Variants in ENTPD6 observed in about 807,000 individuals in gnomAD.
ENTPD6 encodes the protein ectonucleoside triphosphate diphosphohydrolase 6.
In ENTPD6, 46 loss-of-function variants were observed where a neutral mutation model predicts 61.5. The observed-to-expected ratio is 0.75, with a 90% confidence interval of 0.59 to 0.96. The LOEUF (loss-of-function observed/expected upper bound fraction) is 0.96, where lower values mean the gene tolerates loss of function less well. ENTPD6 is among the 40% of genes least tolerant of loss of function. The pLI is 0.00. For missense variants in ENTPD6, 612 were observed against 629.0 expected (o/e 0.97, Z 0.29); for synonymous variants, 252 against 255.5 (o/e 0.99, Z 0.13).
chr20:25,225,473 C>T, intron 14 of ENTPD6, 26 bp from the exon 15 acceptor site: 1 of 1,606,258 alleles, frequency 6.2e-7, no homozygotes, highest in Non-Finnish European at 8.5e-7. Context: ...GTGTGATGGT[C>T]CCCTCTCCCT....
chr20:25,211,726 C>A (rs2091973418), intron 4 of ENTPD6, among the ~76,000 whole-genome samples: 1 of 152,230 alleles, frequency 6.6e-6, no homozygotes, highest in African/African-American at 2.4e-5. Flanking sequence ...AATGTCCAAT[C>A]TTTCTCTCTT....
At chr20:25,222,407 A>C (rs973125683) in intron 11 of ENTPD6, 1 of 166,532 alleles carries the variant, frequency 6.0e-6, no homozygotes, top group African/African-American at 2.4e-5. Flanking sequence ...GTTCTCCCTC[A>C]AGCCATGGGA....
At position 25,203,089 on chromosome 20, in the gene ENTPD6, T is replaced by G. The variant is rs2091174722; in HGVS notation, c.-15-3433T>G. Among the ~76,000 whole-genome samples the G allele has an allele frequency of 1.3e-5, 2 of 152,234 alleles. 1 individual carries two copies. The highest frequency in any genetic ancestry group is 4.1e-4 in the South Asian group (2 of 4,836). ...TTTTTTTGTTTGTTTGTTTTAGCAG[T>G]TTGGGGGTATCTTCCCACTGCCTCT... On this transcript the variant is annotated intron_variant, in intron 1 of 14. Coordinates refer to ENST00000376652, the MANE Select transcript of ENTPD6 (RefSeq NM_001247.5).
chr20:25,200,152 T>C (rs1432043328), intron 1 of ENTPD6, among the ~76,000 whole-genome samples: 1 of 152,268 alleles, frequency 6.6e-6, no homozygotes, highest in East Asian at 1.9e-4. Flanking sequence ...TTCTGTTTGT[T>C]TGATAGTGGC....
chr20:25,197,965 C>T (rs772958445), intron 1 of ENTPD6, among the ~76,000 whole-genome samples: 1 of 152,146 alleles, frequency 6.6e-6, no homozygotes, highest in Admixed American at 6.5e-5. Flanking sequence ...CAGACAGTTC[C>T]GTTTACACAC....
chr20:25,223,790 C>A (rs2092713809), intron 12 of ENTPD6: 1 of 209,696 alleles, frequency 4.8e-6, no homozygotes, highest in Admixed American at 6.0e-5. Context: ...ATTTCAATTT[C>A]TCTACTTTTA....
chr20:25,215,815 A>C, intron 7 of ENTPD6, 104 bp downstream of exon 7: 1 of 1,245,810 alleles, frequency 8.0e-7, no homozygotes, highest in Non-Finnish European at 1.2e-6. Flanking sequence ...CTTTAAGATA[A>C]CCCCTCAGGG....
rs184183346 is a variant in ENTPD6, at chr20:25,201,320, T to C, written c.-15-5202T>C. ...TTTCTATATTGATCTTCTGTCTAAT[T>C]TTTCTGTCCATTATTCAAAGTGGGA... On this transcript the variant is annotated intron_variant, in intron 1 of 14. Coordinates refer to ENST00000376652, the MANE Select transcript of ENTPD6 (RefSeq NM_001247.5). Among the ~76,000 whole-genome samples, 229 of 152,338 alleles carry C rather than the reference T, an allele frequency of 1.5e-3. 1 individual carries two copies. The highest frequency in any genetic ancestry group is 5.2e-3 in the African/African-American group (215 of 41,574).
rs77841281 is a variant in ENTPD6 at position 25,227,078 on chromosome 20, G to A, written c.*1481G>A. Among the ~76,000 whole-genome samples, 1 of 152,250 alleles carries A rather than the reference G, an allele frequency of 6.6e-6. No homozygotes were observed. The highest frequency in any genetic ancestry group is 1.9e-4 in the East Asian group (1 of 5,208). On this transcript the variant is annotated 3_prime_UTR_variant, in exon 15 of 15. Transcript: ENST00000376652. Reference sequence around the variant, plus strand: ...GGTCTGGAAGCGTCCCAAAGGTGTCGCATGCCAGGGAAACTGCAGACCAGC... The same window carrying A: ...GGTCTGGAAGCGTCCCAAAGGTGTCACATGCCAGGGAAACTGCAGACCAGC...
At chr20:25,223,182 G>A (rs770160264) in intron 12 of ENTPD6, among the ~76,000 whole-genome samples, 5 of 152,154 alleles carry the variant, frequency 3.3e-5, no homozygotes, top group African/African-American at 4.8e-5. Context: ...GTAAAACCTC[G>A]TGGCTGGTGA....
intron 1 of ENTPD6, among the ~76,000 whole-genome samples, chr20:25,197,384 C>T (rs1239734309): frequency 6.6e-6 from 1 of 152,148 alleles, no homozygotes; most frequent in African/African-American, 2.4e-5. Flanking sequence ...TGCCTGTGTG[C>T]ACCCTACTTC....
chr20:25,207,835 C>G (rs775537575), intron 3 of ENTPD6, among the ~76,000 whole-genome samples: 3 of 152,186 alleles, frequency 2.0e-5, no homozygotes, highest in African/African-American at 7.2e-5. Flanking sequence ...CCAAGATGGC[C>G]AGGGGCAACA....
intron 1 of ENTPD6, chr20:25,196,966 C>A: frequency 2.6e-6 from 1 of 388,728 alleles, no homozygotes; most frequent in Non-Finnish European, 3.5e-6. Context: ...TCCCCTCCCA[C>A]CGCCTCCTGT....
At position 25,207,088 on chromosome 20, in the gene ENTPD6, G is replaced by C. The variant is rs45506395; in HGVS notation, c.67G>C (p.Gly23Arg). The C allele has an allele frequency of 1.2e-6, 2 of 1,606,220 alleles. No homozygotes were observed. Among genetic ancestry groups the C allele is most frequent in the Non-Finnish European group, 1.7e-6 (2 of 1,173,936 alleles). Residue 23 changes from glycine (G) to arginine (R), a missense_variant, in exon 3 of 15, where the codon GGT (glycine) becomes CGT (arginine). Transcript: ENST00000376652. ...TSYIFQQPQH[G>R]PWQTRMRKIS... is the part of the protein sequence containing the mutation. ...CCCTTCCCACCAGCAGCCGCAGCAC[G>C]GTCCTTGGCAAACAAGGATGAGAAA...
At position 25,215,603 on chromosome 20, in the gene ENTPD6, A is replaced by G. The variant is rs568518274; in HGVS notation, c.674-73A>G. The G allele has an allele frequency of 2.1e-5, 32 of 1,508,470 alleles. No individual in the cohort carries two copies. In the East Asian group the frequency reaches 6.8e-4, roughly 32 times the overall value. 93.4% of individuals were successfully genotyped at this position (1,508,470 alleles called of 1,614,324 possible). ...ATGCTCCCCAGATCTGCAAATAGTC[A>G]TTTAACGGTCCTGTGTGTTATGCTT... On this transcript the variant is annotated intron_variant, in intron 6 of 14. Transcript: ENST00000376652.
At chr20:25,224,395 C>A (rs2179638) in intron 13 of ENTPD6, 3 of 378,680 alleles carry the variant, frequency 7.9e-6, no homozygotes, top group Admixed American at 4.5e-5. Flanking sequence ...AGGGTAACCC[C>A]AAGAGTGATT....
chr20:25,225,413 C>G, intron 14 of ENTPD6, 86 bp from the exon 15 acceptor site: 2 of 1,579,692 alleles, frequency 1.3e-6, no homozygotes, highest in Middle Eastern at 1.7e-4. Context: ...CCAGCCCATC[C>G]CTGGCTTCCA....
rs550081896 is a variant in ENTPD6 at position 25,226,926 on chromosome 20, G to T, written c.*1329G>T. Reference sequence around the variant, plus strand: ...GGCTGGTGGCCCCGGCCCTCCCAGCGTCTGTTGAGCACAGCTCCTCCTGTG... The same window carrying T: ...GGCTGGTGGCCCCGGCCCTCCCAGCTTCTGTTGAGCACAGCTCCTCCTGTG... On this transcript the variant is annotated 3_prime_UTR_variant, in exon 15 of 15. Coordinates refer to ENST00000376652, the MANE Select transcript of ENTPD6 (RefSeq NM_001247.5). 6.6e-6 allele frequency among the ~76,000 whole-genome samples: 1 copy of T among 152,254 alleles called. No individual in the cohort carries two copies. The highest frequency in any genetic ancestry group is 1.5e-5 in the Non-Finnish European group (1 of 68,046).
At chr20:25,224,574 G>A (rs1171729429) in intron 13 of ENTPD6, 6 of 159,776 alleles carry the variant, frequency 3.8e-5, no homozygotes, top group Non-Finnish European at 8.2e-5. Context: ...TCTCCTTCAC[G>A]CCTGGCCCAG....
Sources: allele counts gnomAD v4.1 joint callset (sites outside exome capture counted in the v4.1 genomes callset), GRCh38; gene constraint gnomAD v4.1.1; transcripts MANE v1.5; gene names NCBI Gene and HGNC (gene_info 2026-07-23, HGNC 2026-07-21).